ERBIN: variants seen among roughly 807,000 people sequenced by gnomAD.
The protein encoded by ERBIN is erbb2 interacting protein, also known as densin-180-like protein.
A neutral mutation model predicts 158.4 loss-of-function variants in ERBIN; 60 were observed. That is an observed-to-expected ratio of 0.38 (90% CI 0.31 to 0.47). The LOEUF is 0.47. Among genes scored for constraint, ERBIN ranks in the 20% least tolerant of loss-of-function variants. The pLI is 0.99. For missense variants in ERBIN, 1,610 were observed against 1,648.0 expected (o/e 0.98, Z 0.40); for synonymous variants, 594 against 557.2 (o/e 1.07, Z -0.93).
intron 1 of ERBIN, among the ~76,000 whole-genome samples, chr5:65,966,203 T>C (rs1004290631): frequency 1.3e-5 from 2 of 152,204 alleles, no homozygotes; most frequent in African/African-American, 4.8e-5. Context: ...TTTTAAAGTG[T>C]ATTACATGAC....
At chr5:65,968,195 G>A (rs1391250559) in intron 1 of ERBIN, among the ~76,000 whole-genome samples, 1 of 152,174 alleles carries the variant, frequency 6.6e-6, no homozygotes, top group Non-Finnish European at 1.5e-5. Flanking sequence ...CAAAATAGTG[G>A]CATCTTGTTG....
Position 66,075,072 on chromosome 5 carries a change from A to G in ERBIN, c.3805A>G (p.Asn1269Asp). The G allele has an allele frequency of 3.7e-6, 6 of 1,614,128 alleles. No homozygotes were observed. The highest frequency in any genetic ancestry group is 5.1e-6 in the Non-Finnish European group (6 of 1,180,014). The change falls in exon 23 of 26, where the codon AAT becomes GAT. Residue 1269 changes from asparagine (N) to aspartate (D), a missense_variant. Transcript: ENST00000284037. ...GGGCCAGCCTCTCAGGCCTCAGGCA[A>G]ATTATAGTCAAATACATCACCCCCC... ...QMGQPLRPQA[N>D]YSQIHHPPQA... is the part of the protein sequence containing the mutation.
At chr5:65,983,096 T>C (rs1750826266) in intron 1 of ERBIN, among the ~76,000 whole-genome samples, 2 of 152,384 alleles carry the variant, frequency 1.3e-5, no homozygotes, top group Middle Eastern at 3.4e-3. Flanking sequence ...GTAACTTCAG[T>C]GTATATGTCT....
In ERBIN at chr5:65,971,141, C is replaced by T. The variant is rs906871024; in HGVS notation, c.-57-17494C>T. Reference sequence around the variant, plus strand: ...CCTTTTTGTGCCCAGGAAGTCTAGTCGTTTTGATGATAAATCTAAATTGGT... The same window carrying T: ...CCTTTTTGTGCCCAGGAAGTCTAGTTGTTTTGATGATAAATCTAAATTGGT... On this transcript the variant is annotated intron_variant, in intron 1 of 25. Coordinates refer to ENST00000284037, the MANE Select transcript of ERBIN (RefSeq NM_001253697.2). Among the ~76,000 whole-genome samples the T allele has an allele frequency of 8.3e-4, 126 of 151,854 alleles. 4 individuals carry two copies. Among genetic ancestry groups the T allele is most frequent in the Admixed American group, 8.1e-3 (124 of 15,240 alleles).
intron 1 of ERBIN, among the ~76,000 whole-genome samples, chr5:65,930,563 C>T (rs1460476341): frequency 6.6e-6 from 1 of 152,226 alleles, no homozygotes; most frequent in Non-Finnish European, 1.5e-5. Flanking sequence ...CCACCTCGGC[C>T]TCTCAAAGTG....
At chr5:65,971,866 A>G (rs1749286004) in intron 1 of ERBIN, among the ~76,000 whole-genome samples, 1 of 152,088 alleles carries the variant, frequency 6.6e-6, no homozygotes, top group African/African-American at 2.4e-5. Context: ...AATCTGCTCC[A>G]TCTAGGAGGG....
chr5:65,976,585 A>G (rs1580220108), intron 1 of ERBIN, among the ~76,000 whole-genome samples: 2 of 150,070 alleles, frequency 1.3e-5, no homozygotes, highest in South Asian at 2.1e-4. Flanking sequence ...GCAGGGTCAC[A>G]GGACAATAGT....
At chr5:66,055,134 TC>T (rs1401024371) in intron 21 of ERBIN, 183 bp downstream of exon 21, 1 of 1,361,052 alleles carries the variant, frequency 7.3e-7, no homozygotes, top group African/African-American at 1.5e-5. Context: ...AATGTGTGTT[TC>T]TATCCTCTCC....
At chr5:66,077,919 C>T (rs980254634) in intron 25 of ERBIN, among the ~76,000 whole-genome samples, 1 of 152,108 alleles carries the variant, frequency 6.6e-6, no homozygotes, top group African/African-American at 2.4e-5. Flanking sequence ...TTTCTCTTCT[C>T]TAAAATAAGA....
chr5:66,068,727 G>A, intron 21 of ERBIN: 1 of 597,706 alleles, frequency 1.7e-6, no homozygotes, highest in Non-Finnish European at 2.7e-6. Flanking sequence ...CATGGTAAAT[G>A]GTTCCAATTT....
At chr5:65,980,469 AGTTTT>A (rs1425000691) in intron 1 of ERBIN, among the ~76,000 whole-genome samples, 2 of 152,304 alleles carry the variant, frequency 1.3e-5, no homozygotes, top group African/African-American at 4.8e-5. Flanking sequence ...ATAATGTGAT[AGTTTT>A]AAGTTGTCAT....
chr5:65,952,971 G>A (rs141145331), intron 1 of ERBIN, among the ~76,000 whole-genome samples: 3 of 152,214 alleles, frequency 2.0e-5, no homozygotes, highest in Non-Finnish European at 2.9e-5. Flanking sequence ...AAAAAGTTTC[G>A]TCCTCCTTCC....
chr5:66,055,812 A>T (rs1023844612), intron 21 of ERBIN, among the ~76,000 whole-genome samples: 1 of 152,178 alleles, frequency 6.6e-6, no homozygotes, highest in Non-Finnish European at 1.5e-5. Flanking sequence ...AAAATTCCTT[A>T]AATAAAATTT....
chr5:65,967,676 C>T (rs960690237), intron 1 of ERBIN, among the ~76,000 whole-genome samples: 8 of 152,174 alleles, frequency 5.3e-5, no homozygotes, highest in East Asian at 1.9e-4. Flanking sequence ...AAGCAATGCA[C>T]GATTGTTTCT....
intron 5 of ERBIN, among the ~76,000 whole-genome samples, chr5:66,013,145 T>C (rs1754384200): frequency 6.6e-6 from 1 of 152,180 alleles, no homozygotes; most frequent in African/African-American, 2.4e-5. Context: ...CAACAAAGAA[T>C]TATTCAGCCC....
In ERBIN at chr5:66,075,285, A is replaced by G. The variant is rs1342298034; in HGVS notation, c.3963+55A>G. 2.1e-5 allele frequency: 29 copies of G among 1,378,966 alleles called. 1 individual carries two copies. The East Asian group carries it at 6.2e-4, about 30-fold the overall frequency. 85.4% of individuals were successfully genotyped at this position (1,378,966 alleles called of 1,614,324 possible). ...GGGACTAAGCTTTTTATGTATTTTT[A>G]TAGGTTACTTAATTATTAGTAAATC... is the stretch of plus-strand genomic sequence containing the variant. On this transcript the variant is annotated intron_variant, in intron 23 of 25. Transcript: ENST00000284037.
chr5:66,040,263 A>G (rs1413018983), intron 15 of ERBIN, among the ~76,000 whole-genome samples: 2 of 151,896 alleles, frequency 1.3e-5, no homozygotes, highest in Non-Finnish European at 2.9e-5. Context: ...TGTCCGAATC[A>G]TAGGTATATT....
At chr5:65,973,653 A>C (rs964031325) in intron 1 of ERBIN, among the ~76,000 whole-genome samples, 8 of 151,306 alleles carry the variant, frequency 5.3e-5, no homozygotes, top group African/African-American at 1.5e-4. Context: ...TTCATTTAAA[A>C]TACCACTTAA....
chr5:65,931,887 C>T (rs868101264), intron 1 of ERBIN, among the ~76,000 whole-genome samples: 4 of 147,564 alleles, frequency 2.7e-5, no homozygotes, highest in African/African-American at 9.9e-5. Context: ...GGTGCAGTCT[C>T]GGCTCACCGC....
Sources: gnomAD v4.1 joint callset for allele counts (sites outside exome capture counted in the v4.1 genomes callset) on GRCh38, gnomAD v4.1.1 for gene constraint, MANE v1.5 for transcripts, NCBI Gene and HGNC (gene_info 2026-07-23, HGNC 2026-07-21) for gene names.